Variants in WDR76 observed in about 807,000 individuals in gnomAD.
WDR76 encodes the protein WD repeat-containing protein 76.
In WDR76, 52 loss-of-function variants were observed where a neutral mutation model predicts 70.2. That is an observed-to-expected ratio of 0.74 (90% CI 0.59 to 0.93). WDR76 has a LOEUF of 0.93. Among genes scored for constraint, WDR76 ranks in the 40% least tolerant of loss-of-function variants. The probability of loss-of-function intolerance (pLI) is 0.00; values close to 1 mark genes in which losing one functional copy is unlikely to be tolerated. For missense variants in WDR76, 756 were observed against 760.2 expected, an observed-to-expected ratio of 0.99 and a Z score of 0.07; for synonymous variants, 292 against 271.1, an observed-to-expected ratio of 1.08 and a Z score of -0.76.
chr15:43,842,508 A>G lies in WDR76; in HGVS notation c.826A>G (p.Met276Val). 1 of 1,613,894 alleles carries G rather than the reference A, an allele frequency of 6.2e-7. No homozygotes were observed. Among genetic ancestry groups the G allele is most frequent in the East Asian group, 2.2e-5 (1 of 44,856 alleles). The change falls in exon 6 of 13, where the codon ATG becomes GTG. Residue 276 changes from methionine (M) to valine (V), a missense_variant. Physicochemically the swap from Met to Val is conservative, Grantham distance 21. Coordinates refer to ENST00000263795, the MANE Select transcript of WDR76 (RefSeq NM_024908.4). The part of the protein sequence containing the change: ...FKGFLHTWAG[M>V]SKPSSKNTEK... ...AGGATTTCTGCACACATGGGCAGGA[A>G]TGAGCAAGGTATCACTTGGGAAGGC...
chr15:43,844,463 T>TA (rs2087762759), intron 8 of WDR76, among the ~76,000 whole-genome samples: 2 of 149,722 alleles, frequency 1.3e-5, no homozygotes, highest in Non-Finnish European at 3.0e-5. Flanking sequence ...AGTAAAAAAA[T>TA]ACAAAAATTA....
intron 4 of WDR76, among the ~76,000 whole-genome samples, chr15:43,837,075 T>G (rs2087666525): frequency 1.3e-5 from 2 of 151,862 alleles, no homozygotes; most frequent in South Asian, 4.2e-4. Context: ...AACAACTATT[T>G]GCTGAAAGTC....
intron 12 of WDR76, among the ~76,000 whole-genome samples, chr15:43,864,884 G>C (rs1446173619): frequency 6.6e-6 from 1 of 152,046 alleles, no homozygotes; most frequent in Non-Finnish European, 1.5e-5. Context: ...ATGAGCCACT[G>C]TGCCCAGCCA....
At chr15:43,863,764 G>T (rs2088035647) in intron 12 of WDR76, 1 of 152,240 alleles carries the variant, frequency 6.6e-6, no homozygotes. Context: ...ACTTGCTGTT[G>T]CCCAGGCTGG....
intron 9 of WDR76, among the ~76,000 whole-genome samples, chr15:43,854,950 CAA>C (rs535509405): frequency 5.0e-4 from 49 of 97,094 alleles, no homozygotes; most frequent in Admixed American, 5.4e-4. Context: ...GACTCCATCT[CAA>C]AAAAAAAAAA....
At chr15:43,835,362 G>A (rs963853609) in intron 3 of WDR76, among the ~76,000 whole-genome samples, 1 of 140,638 alleles carries the variant, frequency 7.1e-6, no homozygotes, top group Non-Finnish European at 1.5e-5. Flanking sequence ...AGTGATGCAT[G>A]TCTGGAGTCC....
At chr15:43,836,285 T>A in intron 4 of WDR76, 69 bp downstream of exon 4, 1 of 1,463,006 alleles carries the variant, frequency 6.8e-7, no homozygotes, top group South Asian at 1.3e-5. Flanking sequence ...TTGAAAAAAA[T>A]GGTTTGGTGT....
intron 4 of WDR76, among the ~76,000 whole-genome samples, chr15:43,837,065 A>C (rs1337890424): frequency 2.0e-5 from 3 of 151,930 alleles, no homozygotes; most frequent in Non-Finnish European, 1.5e-5. Context: ...AACAAAAAAA[A>C]ACAACTATTT....
At chr15:43,840,211 TTC>T (rs748053473) in intron 5 of WDR76, among the ~76,000 whole-genome samples, 91 of 152,166 alleles carry the variant, frequency 6.0e-4, no homozygotes, top group Non-Finnish European at 1.0e-3. Context: ...CTGTATTGGA[TTC>T]TGTATTTCTG....
At chr15:43,857,806 G>A (rs1213048740) in intron 10 of WDR76, among the ~76,000 whole-genome samples, 22 of 131,398 alleles carry the variant, frequency 1.7e-4, no homozygotes, top group East Asian at 6.8e-4. Context: ...ATGACAGAGC[G>A]AGACTCTTGT....
chr15:43,835,579 A>T (rs1297040435), intron 3 of WDR76, among the ~76,000 whole-genome samples: 1 of 151,862 alleles, frequency 6.6e-6, no homozygotes, highest in African/African-American at 2.4e-5. Context: ...CATATGAGGG[A>T]GGGTAAAATT....
chr15:43,854,650 T>C (rs2087906732), intron 9 of WDR76, among the ~76,000 whole-genome samples: 1 of 152,002 alleles, frequency 6.6e-6, no homozygotes, highest in African/African-American at 2.4e-5. Flanking sequence ...TGTGTAACTA[T>C]CGTAATCAAG....
intron 10 of WDR76, chr15:43,857,616 T>G: frequency 6.7e-6 from 5 of 747,568 alleles, no homozygotes; most frequent in Non-Finnish European, 8.2e-6. Context: ...GGTCAGGAGT[T>G]CGAGACCAGC....
chr15:43,863,574 AAAAG>A lies in WDR76; in HGVS notation c.1616+2192_1616+2195del, dbSNP rs2088032443. ...CTCTCTTTTTTAAAAAAAAAAAAAA[AAAAG>A]AAACAGGGTCTCGCTCCCTTGCCCA... On this transcript the variant is annotated intron_variant, in intron 12 of 12. Transcript: ENST00000263795. Among the ~76,000 whole-genome samples, 3 of 151,826 alleles carry A rather than the reference AAAAG, an allele frequency of 2.0e-5. No homozygotes were observed. In the East Asian group the frequency reaches 5.8e-4, roughly 29 times the overall value.
chr15:43,855,926 C>G (rs1034256067), intron 9 of WDR76, among the ~76,000 whole-genome samples: 1 of 151,854 alleles, frequency 6.6e-6, no homozygotes, highest in Admixed American at 6.6e-5. Context: ...GTTGTTCATT[C>G]CCATTATCAC....
In WDR76 at chr15:43,828,209, C is replaced by T; in HGVS notation, c.305C>T (p.Ser102Phe). The change falls in exon 2 of 13, where the codon TCT (serine) becomes TTT (phenylalanine). Residue 102 changes from serine (S) to phenylalanine (F), a missense_variant. Transcript: ENST00000263795. ...ATACCTCCAAAGATGAAAAACACAT[C>T]TTCCAAGGCAGAATCCACGCTGCAA... ...RIIPPKMKNTSSKAESTLQNS... is the reference protein window; with the variant it reads ...RIIPPKMKNTFSKAESTLQNS... 6.2e-7 allele frequency: 1 copy of T among 1,614,170 alleles called. No homozygotes were observed. Among genetic ancestry groups the T allele is most frequent in the African/African-American group, 1.3e-5 (1 of 75,046 alleles).
intron 4 of WDR76, among the ~76,000 whole-genome samples, chr15:43,836,666 C>G (rs116939972): frequency 6.6e-6 from 1 of 152,118 alleles, no homozygotes; most frequent in Admixed American, 6.6e-5. Flanking sequence ...TATATTATCT[C>G]ATTTAACTCT....
chr15:43,840,005 A>C (rs1213470929), intron 5 of WDR76, among the ~76,000 whole-genome samples: 1 of 151,936 alleles, frequency 6.6e-6, no homozygotes, highest in Non-Finnish European at 1.5e-5. Flanking sequence ...TTACAGGCAC[A>C]TGCCACCATA....
intron 2 of WDR76, among the ~76,000 whole-genome samples, chr15:43,832,548 C>T (rs1009634009): frequency 4.2e-4 from 63 of 151,750 alleles, no homozygotes; most frequent in African/African-American, 1.4e-3. Context: ...TAGGTTCAAG[C>T]GATTCTCCTG....
Sources: allele counts gnomAD v4.1 joint callset (sites outside exome capture counted in the v4.1 genomes callset), GRCh38; gene constraint gnomAD v4.1.1; transcripts MANE v1.5; gene names NCBI Gene and HGNC (gene_info 2026-07-23, HGNC 2026-07-21).